Variants in LDB2 observed in about 807,000 individuals in gnomAD.
The protein encoded by LDB2 is LIM domain binding 2.
LDB2 carries 12 observed loss-of-function variants against 44.3 expected under a neutral mutation model. The ratio of observed to expected loss-of-function variants is 0.27; its 90% CI spans 0.17 to 0.44. The LOEUF (loss-of-function observed/expected upper bound fraction) is 0.44. LDB2 is among the 20% of genes least tolerant of loss of function. LDB2 has a pLI of 1.00. For missense variants in LDB2, 344 were observed against 473.5 expected (o/e 0.73, Z 2.54); for synonymous variants, 164 against 174.8 (o/e 0.94, Z 0.49).
rs1159811453 is a variant in LDB2, at chr4:16,809,528, G to A, written c.133-50268C>T. The stretch of plus-strand genomic sequence containing the variant: ...TTTGACTCCACACTTCACTCTTAAA[G>A]GTGGCTGCAGTTACCACTATGTATC... On this transcript the variant is annotated intron_variant, in intron 1 of 7. Transcript: ENST00000304523. Among the ~76,000 whole-genome samples, 7 of 152,230 alleles carry A rather than the reference G, an allele frequency of 4.6e-5. No homozygotes were observed. In the East Asian group the frequency reaches 7.7e-4, roughly 17 times the overall value.
intron 2 of LDB2, among the ~76,000 whole-genome samples, chr4:16,652,143 C>T (rs545659163): frequency 1.3e-5 from 2 of 152,166 alleles, no homozygotes; most frequent in African/African-American, 2.4e-5. Flanking sequence ...GATGAGGTCT[C>T]TTTATGTTGC....
chr4:16,840,856 G>T (rs1785744994), intron 1 of LDB2, among the ~76,000 whole-genome samples: 1 of 152,138 alleles, frequency 6.6e-6, no homozygotes, highest in Non-Finnish European at 1.5e-5. Context: ...CTCTTTCTCT[G>T]CCTGCAGTAA....
chr4:16,738,267 C>A (rs997903551), intron 2 of LDB2, among the ~76,000 whole-genome samples: 3 of 152,164 alleles, frequency 2.0e-5, no homozygotes, highest in East Asian at 3.9e-4. Context: ...TTATTGGATA[C>A]ACCGCTGCTC....
chr4:16,748,801 T>G (rs570305277), intron 2 of LDB2, among the ~76,000 whole-genome samples: 1 of 152,316 alleles, frequency 6.6e-6, no homozygotes, highest in Non-Finnish European at 1.5e-5. Context: ...TAATGTAGTG[T>G]TTGGAAATAA....
chr4:16,818,857 G>A (rs1178520380), intron 1 of LDB2, among the ~76,000 whole-genome samples: 14 of 152,186 alleles, frequency 9.2e-5, no homozygotes, highest in Admixed American at 9.2e-4. Context: ...TCAAGACAGG[G>A]TTACTTGAAT....
At chr4:16,615,775 G>C (rs1445511341) in intron 2 of LDB2, among the ~76,000 whole-genome samples, 3 of 152,130 alleles carry the variant, frequency 2.0e-5, no homozygotes, top group Non-Finnish European at 4.4e-5. Context: ...AGAAGGTCTA[G>C]GGAACCCTCC....
At chr4:16,789,360 G>A (rs754891836) in intron 1 of LDB2, among the ~76,000 whole-genome samples, 12 of 152,200 alleles carry the variant, frequency 7.9e-5, no homozygotes, top group Non-Finnish European at 1.0e-4. Context: ...AAAATGCAGT[G>A]AACCAGACAA....
intron 1 of LDB2, among the ~76,000 whole-genome samples, chr4:16,775,028 G>A (rs1771594352): frequency 2.0e-5 from 3 of 152,278 alleles, no homozygotes; most frequent in Non-Finnish European, 4.4e-5. Context: ...AATGAGAGAA[G>A]CCAGACACAA....
At chr4:16,832,592 A>G (rs1457324947) in intron 1 of LDB2, among the ~76,000 whole-genome samples, 1 of 151,652 alleles carries the variant, frequency 6.6e-6, no homozygotes, top group South Asian at 2.1e-4. Context: ...CTACTTCGAC[A>G]GTGTAACTTC....
chr4:16,735,735 A>C (rs536738428), intron 2 of LDB2, among the ~76,000 whole-genome samples: 3 of 152,322 alleles, frequency 2.0e-5, no homozygotes, highest in Middle Eastern at 3.4e-3. Flanking sequence ...TGTAATCACA[A>C]GTCTAATCAT....
chr4:16,855,731 CTGA>C (rs1789231425), intron 1 of LDB2, among the ~76,000 whole-genome samples: 2 of 152,052 alleles, frequency 1.3e-5, no homozygotes, highest in African/African-American at 2.4e-5. Flanking sequence ...TCTGATGAGA[CTGA>C]TGATGATATT....
intron 1 of LDB2, among the ~76,000 whole-genome samples, chr4:16,881,664 T>A (rs1159570498): frequency 6.6e-6 from 1 of 150,758 alleles, no homozygotes; most frequent in Non-Finnish European, 1.5e-5. Context: ...TAAATTACTA[T>A]GATTAACTTC....
At chr4:16,740,040 CATAAA>C (rs1307834792) in intron 2 of LDB2, among the ~76,000 whole-genome samples, 9 of 151,270 alleles carry the variant, frequency 5.9e-5, no homozygotes, top group African/African-American at 1.9e-4. Flanking sequence ...GTTTTTTGAA[CATAAA>C]ATAAAGGAAT....
intron 1 of LDB2, among the ~76,000 whole-genome samples, chr4:16,868,313 CT>C (rs1278367757): frequency 6.6e-6 from 1 of 152,128 alleles, no homozygotes; most frequent in South Asian, 2.1e-4. Flanking sequence ...TACTCAAAAA[CT>C]TTTTTATTGT....
intron 2 of LDB2, among the ~76,000 whole-genome samples, chr4:16,650,679 C>T (rs540510795): frequency 5.9e-5 from 9 of 152,312 alleles, no homozygotes; most frequent in East Asian, 3.9e-4. Flanking sequence ...CACTGGACTA[C>T]GACATGGCTC....
chr4:16,738,737 A>G (rs774569929), intron 2 of LDB2, among the ~76,000 whole-genome samples: 1 of 152,240 alleles, frequency 6.6e-6, no homozygotes, highest in Non-Finnish European at 1.5e-5. Flanking sequence ...CAAATTAATG[A>G]ACAAATGTTA....
intron 5 of LDB2, among the ~76,000 whole-genome samples, chr4:16,522,087 A>T (rs184678387): frequency 6.6e-6 from 1 of 152,278 alleles, no homozygotes; most frequent in African/African-American, 2.4e-5. Flanking sequence ...TAGTGGGGTA[A>T]CTAGCAGAAA....
Position 16,790,149 on chromosome 4 carries a change from T to G in LDB2, c.133-30889A>C, listed in dbSNP as rs566552443. 4.6e-5 allele frequency among the ~76,000 whole-genome samples: 7 copies of G among 152,268 alleles called. No individual in the cohort carries two copies. The East Asian group carries it at 1.4e-3, about 29-fold the overall frequency. ...CACCCACTAAATACCAGACACTGAGTGCTTATAGGAAGGAAGTCTTTCCTG... is the reference window on the plus strand; with the variant it reads ...CACCCACTAAATACCAGACACTGAGGGCTTATAGGAAGGAAGTCTTTCCTG... On this transcript the variant is annotated intron_variant, in intron 1 of 7. Transcript: ENST00000304523.
chr4:16,664,802 T>C (rs1224846968), intron 2 of LDB2, among the ~76,000 whole-genome samples: 3 of 152,252 alleles, frequency 2.0e-5, no homozygotes, highest in Non-Finnish European at 2.9e-5. Context: ...TTGTACTCTC[T>C]GCATGTTTCG....
Sources: allele counts gnomAD v4.1 joint callset (sites outside exome capture counted in the v4.1 genomes callset), GRCh38; gene constraint gnomAD v4.1.1; transcripts MANE v1.5; gene names NCBI Gene and HGNC (gene_info 2026-07-23, HGNC 2026-07-21).